ESRRG: variants seen among roughly 807,000 people sequenced by gnomAD.
ESRRG encodes the protein estrogen related receptor gamma, also known as estrogen-related receptor gamma.
In ESRRG, 13 loss-of-function variants were observed where a neutral mutation model predicts 44.0. That is an observed-to-expected ratio of 0.30 (90% CI 0.19 to 0.47). The LOEUF (loss-of-function observed/expected upper bound fraction) is 0.47. Among genes scored for constraint, ESRRG ranks in the 20% least tolerant of loss-of-function variants. The pLI is 1.00. For synonymous variants in ESRRG, 215 were observed against 214.6 expected, an observed-to-expected ratio of 1.00 and a Z score of -0.02; for missense variants, 395 against 580.6, an observed-to-expected ratio of 0.68 and a Z score of 3.29.
At chr1:216,924,311 C>A (rs966988309) in intron 2 of ESRRG, among the ~76,000 whole-genome samples, 1 of 152,176 alleles carries the variant, frequency 6.6e-6, no homozygotes, top group Non-Finnish European at 1.5e-5. Flanking sequence ...TCCTAACATG[C>A]AGATTTCCAC....
chr1:216,846,368 A>G (rs950553535), intron 2 of ESRRG, among the ~76,000 whole-genome samples: 1 of 152,154 alleles, frequency 6.6e-6, no homozygotes, highest in Non-Finnish European at 1.5e-5. Context: ...CAATAAACAT[A>G]TGTCTTTGTC....
intron 1 of ESRRG, among the ~76,000 whole-genome samples, chr1:217,042,332 C>A (rs1015533241): frequency 3.9e-5 from 6 of 152,162 alleles, no homozygotes; most frequent in Middle Eastern, 3.2e-3. Context: ...TCCCAAATAA[C>A]AACTGACCAC....
intron 3 of ESRRG, among the ~76,000 whole-genome samples, chr1:216,637,391 C>T (rs145307821): frequency 6.6e-6 from 1 of 152,176 alleles, no homozygotes. Context: ...AGAATGCCTA[C>T]AGCAAGAAAT....
At chr1:216,518,503 G>A (rs2045076995) in intron 6 of ESRRG, among the ~76,000 whole-genome samples, 1 of 152,072 alleles carries the variant, frequency 6.6e-6, no homozygotes. Context: ...TTATGCAAAT[G>A]CTAAAAGAGA....
intron 5 of ESRRG, among the ~76,000 whole-genome samples, chr1:216,549,621 A>T (rs2055643455): frequency 6.6e-6 from 1 of 151,926 alleles, no homozygotes; most frequent in Non-Finnish European, 1.5e-5. Flanking sequence ...ATGTGCCCCA[A>T]ATTAACACAC....
At chr1:216,628,034 A>G (rs533996031) in intron 3 of ESRRG, among the ~76,000 whole-genome samples, 25 of 152,272 alleles carry the variant, frequency 1.6e-4, no homozygotes, top group African/African-American at 5.8e-4. Flanking sequence ...TACACAATCA[A>G]CTTAGAGCTT....
intron 2 of ESRRG, among the ~76,000 whole-genome samples, chr1:216,817,368 C>T (rs2148554670): frequency 6.6e-6 from 1 of 152,278 alleles, no homozygotes; most frequent in East Asian, 1.9e-4. Context: ...ACATTGTCAT[C>T]AACTCCAGGA....
intron 1 of ESRRG, among the ~76,000 whole-genome samples, chr1:216,706,561 C>T (rs2082492239): frequency 6.6e-6 from 1 of 152,152 alleles, no homozygotes; most frequent in Admixed American, 6.5e-5. Context: ...AAAAAAACTG[C>T]ATTGCATATC....
Position 216,752,731 on chromosome 1 carries a change from A to G in ESRRG, c.-13-75240T>C, listed in dbSNP as rs2092136441. ...AGGGTATTTTAGAACAGTAGAGTGT[A>G]GTGGACATGTATTCTGGAACAGTGG... On this transcript the variant is annotated intron_variant, in intron 2 of 7. Transcript: ENST00000359162. 2.0e-5 allele frequency among the ~76,000 whole-genome samples: 3 copies of G among 152,214 alleles called. No homozygotes were observed. The East Asian group carries it at 5.8e-4, about 29-fold the overall frequency.
Position 216,838,909 on chromosome 1 carries a change from T to C in ESRRG, c.-14+100673A>G, listed in dbSNP as rs78980038. ...GTGGAGTGTCTTGCCTCAATGTTGA[T>C]GGCTGCTGATTGATTAGAGTGGTGG... On this transcript the variant is annotated intron_variant, in intron 2 of 7. Coordinates refer to the ESRRG transcript ENST00000359162. Among the ~76,000 whole-genome samples the C allele has an allele frequency of 8.7e-3, 1,331 of 152,284 alleles. 16 individuals carry two copies. The highest frequency in any genetic ancestry group is 0.044 in the East Asian group (227 of 5,170).
At chr1:217,023,207 C>A (rs994167510) in intron 1 of ESRRG, among the ~76,000 whole-genome samples, 2 of 152,142 alleles carry the variant, frequency 1.3e-5, no homozygotes, top group African/African-American at 4.8e-5. Context: ...GATTTTCCTG[C>A]AATTTACCTC....
chr1:216,824,424 C>T (rs887706776), intron 2 of ESRRG, among the ~76,000 whole-genome samples: 2 of 151,592 alleles, frequency 1.3e-5, no homozygotes, highest in Admixed American at 6.6e-5. Context: ...CCAGCCTGGG[C>T]TTCAGAGTGA....
intron 2 of ESRRG, among the ~76,000 whole-genome samples, chr1:216,765,715 T>A (rs180770528): frequency 3.9e-5 from 6 of 152,158 alleles, no homozygotes; most frequent in African/African-American, 1.4e-4. Context: ...CACTAAGGGA[T>A]CTGGAGAGAG....
At chr1:217,040,770 C>T (rs982444328) in intron 1 of ESRRG, among the ~76,000 whole-genome samples, 2 of 152,100 alleles carry the variant, frequency 1.3e-5, no homozygotes, top group Non-Finnish European at 2.9e-5. Context: ...TGGGTTGAGA[C>T]TCAAACCAAA....
At chr1:216,722,784 ACT>A (rs567115722) in intron 1 of ESRRG, among the ~76,000 whole-genome samples, 57 of 152,302 alleles carry the variant, frequency 3.7e-4, no homozygotes, top group African/African-American at 1.3e-3. Context: ...TTTGCCTCTA[ACT>A]CTGCGCGGTA....
intron 2 of ESRRG, among the ~76,000 whole-genome samples, chr1:216,662,768 C>T (rs1393704902): frequency 2.0e-5 from 3 of 152,128 alleles, no homozygotes; most frequent in Non-Finnish European, 2.9e-5. Flanking sequence ...CCAGATTGTA[C>T]ATATTTTTGT....
At chr1:217,098,974 C>T (rs1052592253) in intron 1 of ESRRG, among the ~76,000 whole-genome samples, 1 of 152,196 alleles carries the variant, frequency 6.6e-6, no homozygotes, top group Admixed American at 6.5e-5. Context: ...CACCTACTTT[C>T]CTGCTTTATT....
chr1:216,961,559 TTA>T (rs1361584492), intron 1 of ESRRG, among the ~76,000 whole-genome samples: 10 of 114,354 alleles, frequency 8.7e-5, no homozygotes, highest in African/African-American at 1.1e-4. Context: ...AAATTTACTC[TTA>T]TTTTTTTTTT....
At chr1:216,599,338 T>G (rs2058875748) in intron 3 of ESRRG, among the ~76,000 whole-genome samples, 1 of 152,152 alleles carries the variant, frequency 6.6e-6, no homozygotes. Flanking sequence ...CTTTACACAG[T>G]GTACTTTCCT....
Sources: allele counts gnomAD v4.1 joint callset (sites outside exome capture counted in the v4.1 genomes callset), GRCh38; gene constraint gnomAD v4.1.1; transcripts MANE v1.5; gene names NCBI Gene and HGNC (gene_info 2026-07-23, HGNC 2026-07-21).